DDX19B: variants seen among roughly 807,000 people sequenced by gnomAD.
The protein encoded by DDX19B is DEAD-box helicase 19B.
In DDX19B, 27 loss-of-function variants were observed where a neutral mutation model predicts 58.1. The observed-to-expected ratio is 0.46, with a 90% CI of 0.34 to 0.64. The LOEUF (loss-of-function observed/expected upper bound fraction) is 0.64. DDX19B is among the 30% of genes least tolerant of loss of function. The pLI, the probability that DDX19B is intolerant of heterozygous loss-of-function variation, is 0.01. For missense variants in DDX19B, 399 were observed against 596.5 expected (o/e 0.67, Z 3.45); for synonymous variants, 187 against 214.4 (o/e 0.87, Z 1.12).
intron 5 of DDX19B, among the ~76,000 whole-genome samples, chr16:70,322,353 T>C (rs981688045): frequency 6.6e-6 from 1 of 151,726 alleles, no homozygotes; most frequent in African/African-American, 2.4e-5. Flanking sequence ...GACTCTGGAA[T>C]GCTGAAGTGG....
At chr16:70,298,323 T>G (rs1597460350), upstream of DDX19B, among the ~76,000 whole-genome samples, 1 of 151,830 alleles carries the variant, frequency 6.6e-6, no homozygotes, top group South Asian at 2.1e-4. Context: ...AGAGAATTTC[T>G]TGAACCCAGG....
upstream of DDX19B, among the ~76,000 whole-genome samples, chr16:70,296,386 C>T (rs746257594): frequency 8.8e-4 from 134 of 151,892 alleles, 1 homozygote; most frequent in Non-Finnish European, 2.5e-4. Context: ...ATCCTCCAAC[C>T]TCAGCTTCAG....
chr16:70,315,265 T>C (rs146813667), intron 3 of DDX19B, among the ~76,000 whole-genome samples: 1,779 of 150,678 alleles, frequency 0.012, 29 homozygotes, highest in African/African-American at 0.041. Flanking sequence ...CAGACGCCTG[T>C]AGTCCCAGCT....
In DDX19B at chr16:70,299,290, C is replaced by G; in HGVS notation, c.-8C>G. The G allele has an allele frequency of 6.3e-7, 1 of 1,586,638 alleles. No homozygotes were observed. Among genetic ancestry groups the G allele is most frequent in the Non-Finnish European group, 8.6e-7 (1 of 1,169,144 alleles). ...ACCAGCACGAGCGTCCCACCCGCGC[C>G]TGGGACCATGGCCACTGACTCATGG... On this transcript the variant is annotated 5_prime_UTR_variant, in exon 1 of 12. Transcript: ENST00000288071.
chr16:70,330,207 G>A (rs897548739), intron 9 of DDX19B, 139 bp downstream of exon 9: 1 of 940,014 alleles, frequency 1.1e-6, no homozygotes, highest in Non-Finnish European at 1.6e-6. Flanking sequence ...TGAGTCGTAA[G>A]AGGGAGACTT....
rs1435307984 is a variant in DDX19B, at chr16:70,334,360, C to G, written c.*778C>G. On this transcript the variant is annotated 3_prime_UTR_variant, in exon 12 of 12. Coordinates refer to ENST00000288071, the MANE Select transcript of DDX19B (RefSeq NM_007242.7). ...AATTAGTGGTGGCCCTAGCGTGCCACAAAACCTGGTCTCATGAGCATTTGC... is the reference window on the plus strand; with the variant it reads ...AATTAGTGGTGGCCCTAGCGTGCCAGAAAACCTGGTCTCATGAGCATTTGC... 2 of 152,118 alleles carry G rather than the reference C, an allele frequency of 1.3e-5. No individual in the cohort carries two copies. Among genetic ancestry groups the G allele is most frequent in the South Asian group, 2.1e-4 (1 of 4,814 alleles). 9.4% of individuals were successfully genotyped at this position (152,118 alleles called of 1,614,324 possible). A position where few individuals can be genotyped will look rare whatever the true frequency, so the allele number is the denominator to read the frequency against.
upstream of DDX19B, among the ~76,000 whole-genome samples, chr16:70,294,210 T>C (rs1392206718): frequency 1.3e-5 from 2 of 150,392 alleles, no homozygotes; most frequent in African/African-American, 2.5e-5. Flanking sequence ...GCCTTGCGAG[T>C]AGCTGGGACT....
intron 10 of DDX19B, among the ~76,000 whole-genome samples, chr16:70,332,341 C>T (rs1963526550): frequency 6.6e-6 from 1 of 152,176 alleles, no homozygotes; most frequent in Non-Finnish European, 1.5e-5. Context: ...TGCTCAATGG[C>T]CCAGGCTGGA....
chr16:70,293,190 G>C (rs1961104160), upstream of DDX19B, among the ~76,000 whole-genome samples: 1 of 152,102 alleles, frequency 6.6e-6, no homozygotes, highest in Admixed American at 6.6e-5. Flanking sequence ...TCTGAGGTGG[G>C]TGGATGGCTT....
intron 8 of DDX19B, 55 bp from the exon 9 acceptor site, chr16:70,329,776 C>G: frequency 6.2e-7 from 1 of 1,607,880 alleles, no homozygotes; most frequent in Non-Finnish European, 8.5e-7. Flanking sequence ...GAAGGCTGTG[C>G]TTCTGTCGCT....
chr16:70,312,300 T>C (rs985123674), intron 1 of DDX19B, among the ~76,000 whole-genome samples: 2 of 152,278 alleles, frequency 1.3e-5, no homozygotes, highest in Admixed American at 1.3e-4. Flanking sequence ...ACAACTCTAA[T>C]GATATTCTAC....
upstream of DDX19B, chr16:70,299,135 G>T (rs1469737508): frequency 1.1e-5 from 15 of 1,359,900 alleles, no homozygotes; most frequent in Non-Finnish European, 1.4e-5. Context: ...GGCAAAGGGT[G>T]GCCAAACAGG....
intron 1 of DDX19B, among the ~76,000 whole-genome samples, chr16:70,309,731 T>C (rs56234537): frequency 0.076 from 10,383 of 137,370 alleles, 1,216 homozygotes; most frequent in African/African-American, 0.26. Flanking sequence ...GGTAGGAGAA[T>C]TGCTTGAACC....
upstream of DDX19B, among the ~76,000 whole-genome samples, chr16:70,297,323 C>T (rs1005017194): frequency 6.6e-5 from 10 of 152,176 alleles, no homozygotes; most frequent in African/African-American, 2.4e-4. Context: ...AGTGATTCTC[C>T]TGCCTCAGGC....
rs1963636810 is a variant in DDX19B, at chr16:70,334,696, T to G, written c.*1114T>G. On this transcript the variant is annotated 3_prime_UTR_variant, in exon 12 of 12. Transcript: ENST00000288071. ...TGAGGGACTAGCTACACTACCACCA[T>G]TTATCTGTCCAAGGCAAGAGTATCA... 1 of 152,190 alleles carries G rather than the reference T, an allele frequency of 6.6e-6. No individual in the cohort carries two copies. 9.4% of individuals were successfully genotyped at this position (152,190 alleles called of 1,614,324 possible). A position where few individuals can be genotyped will look rare whatever the true frequency, so the allele number is the denominator to read the frequency against.
At chr16:70,294,996 G>T, upstream of DDX19B, 1 of 1,380,592 alleles carries the variant, frequency 7.2e-7, no homozygotes, top group South Asian at 1.6e-5. Context: ...CCTGGGTAGA[G>T]GAATAACAAT....
At chr16:70,309,928 G>A (rs1460752311) in intron 1 of DDX19B, among the ~76,000 whole-genome samples, 1 of 148,608 alleles carries the variant, frequency 6.7e-6, no homozygotes, top group Non-Finnish European at 1.5e-5. Flanking sequence ...TTCCCCTTTC[G>A]CCTGTTCTTG....
chr16:70,299,191 C>T lies in DDX19B; in HGVS notation c.-107C>T. On this transcript the variant is annotated 5_prime_UTR_variant, in exon 1 of 12. Transcript: ENST00000288071. ...TGGCGCGCCGCTTCCGGTCTGCAGC[C>T]TTGTAGTGGGGCTGGAGCAGAGCCT... The T allele has an allele frequency of 3.6e-6, 5 of 1,404,676 alleles. No individual in the cohort carries two copies. Among genetic ancestry groups the T allele is most frequent in the Non-Finnish European group, 4.6e-6 (5 of 1,080,892 alleles). The allele number at this position is 1,404,676 out of a possible 1,614,324, so 87.0% of individuals were successfully genotyped here.
chr16:70,325,419 T>C (rs562007663), intron 6 of DDX19B, among the ~76,000 whole-genome samples, 155 bp from the exon 7 acceptor site: 2 of 152,370 alleles, frequency 1.3e-5, no homozygotes, highest in East Asian at 3.9e-4. Context: ...TTCTAGCTTA[T>C]GACTCTGTAG....
Sources: allele counts gnomAD v4.1 joint callset (sites outside exome capture counted in the v4.1 genomes callset), GRCh38; gene constraint gnomAD v4.1.1; transcripts MANE v1.5; gene names NCBI Gene and HGNC (gene_info 2026-07-23, HGNC 2026-07-21).